APBB1IP: variants seen among roughly 807,000 people sequenced by gnomAD.
The protein encoded by APBB1IP is amyloid beta A4 precursor protein-binding family B member 1-interacting protein.
APBB1IP carries 27 observed loss-of-function variants against 64.9 expected under a neutral mutation model. The ratio of observed to expected loss-of-function variants is 0.42; its 90% CI spans 0.31 to 0.57. The LOEUF (loss-of-function observed/expected upper bound fraction) is 0.57, where lower values mean the gene tolerates loss of function less well. Among genes scored for constraint, APBB1IP ranks in the 20% least tolerant of loss-of-function variants. APBB1IP has a pLI of 0.20. For missense variants in APBB1IP, 812 were observed against 845.5 expected, an observed-to-expected ratio of 0.96 and a Z score of 0.49; for synonymous variants, 392 against 331.0, an observed-to-expected ratio of 1.18 and a Z score of -2.00.
In APBB1IP at chr10:26,444,397, C is replaced by G. The variant is rs1396008414; in HGVS notation, c.-1+5544C>G. Among the ~76,000 whole-genome samples, 5 of 152,264 alleles carry G rather than the reference C, an allele frequency of 3.3e-5. No individual in the cohort carries two copies. In the East Asian group the frequency reaches 9.7e-4, roughly 29 times the overall value. ...GAATAACATGATCTGACTTAAGGCTCACTCTGACTGCTTGAGAATAAACCT... is the reference window on the plus strand; with the variant it reads ...GAATAACATGATCTGACTTAAGGCTGACTCTGACTGCTTGAGAATAAACCT... On this transcript the variant is annotated intron_variant, in intron 2 of 14. Transcript: ENST00000376236.
At chr10:26,500,346 C>G (rs893565905) in intron 4 of APBB1IP, among the ~76,000 whole-genome samples, 2 of 152,124 alleles carry the variant, frequency 1.3e-5, no homozygotes, top group African/African-American at 2.4e-5. Context: ...ACATTAAATC[C>G]CCATTGGTTG....
At chr10:26,527,274 A>G (rs1028177331) in intron 8 of APBB1IP, among the ~76,000 whole-genome samples, 1 of 152,188 alleles carries the variant, frequency 6.6e-6, no homozygotes, top group East Asian at 1.9e-4. Context: ...GAGGCCAGGC[A>G]TGGTGGCTCA....
intron 11 of APBB1IP, among the ~76,000 whole-genome samples, chr10:26,543,728 G>A (rs1309098010): frequency 6.6e-6 from 1 of 152,134 alleles, no homozygotes; most frequent in Admixed American, 6.5e-5. Context: ...GTAGGGCTGG[G>A]GCCAGGGCTC....
At chr10:26,486,915 C>T (rs1485417764) in intron 2 of APBB1IP, among the ~76,000 whole-genome samples, 2 of 152,154 alleles carry the variant, frequency 1.3e-5, no homozygotes, top group African/African-American at 2.4e-5. Context: ...CCTGGACAAG[C>T]GGCTTCAACC....
chr10:26,544,260 T>G (rs1836733412), intron 11 of APBB1IP, among the ~76,000 whole-genome samples: 1 of 152,196 alleles, frequency 6.6e-6, no homozygotes, highest in Admixed American at 6.5e-5. Context: ...CACACTTTAT[T>G]GCCAAAGACT....
intron 11 of APBB1IP, among the ~76,000 whole-genome samples, chr10:26,556,318 A>G (rs10741114): frequency 0.56 from 85,132 of 152,110 alleles, 24,024 homozygotes; most frequent in Admixed American, 0.67. Context: ...CTTGCTCTAT[A>G]ATGTCTGCAA....
At chr10:26,551,038 G>A (rs1013908571) in intron 11 of APBB1IP, among the ~76,000 whole-genome samples, 11 of 152,330 alleles carry the variant, frequency 7.2e-5, no homozygotes, top group Non-Finnish European at 1.3e-4. Context: ...CCCACTGGAT[G>A]GTGTGGGAAA....
intron 11 of APBB1IP, among the ~76,000 whole-genome samples, chr10:26,554,783 A>G (rs1836874306): frequency 6.6e-6 from 1 of 152,026 alleles, no homozygotes. Context: ...GGGTTTAGCT[A>G]TGTTGCCCAA....
At chr10:26,439,754 T>A (rs1000684310) in intron 2 of APBB1IP, among the ~76,000 whole-genome samples, 2 of 152,202 alleles carry the variant, frequency 1.3e-5, no homozygotes, top group Admixed American at 1.3e-4. Flanking sequence ...GCCCGTGAGT[T>A]TATTATGCCC....
intron 2 of APBB1IP, 63 bp from the exon 3 acceptor site, chr10:26,492,264 A>G: frequency 6.9e-7 from 1 of 1,458,726 alleles, no homozygotes; most frequent in African/African-American, 1.4e-5. Flanking sequence ...AGAGGGATGC[A>G]AAGAGTATCC....
intron 2 of APBB1IP, among the ~76,000 whole-genome samples, chr10:26,458,926 A>ATTTTC (rs146531723): frequency 6.6e-6 from 1 of 151,368 alleles, no homozygotes; most frequent in African/African-American, 2.4e-5. Context: ...TACTGTGGTT[A>ATTTTC]TTTTCTTTTC....
At chr10:26,555,157 T>C (rs898416004) in intron 11 of APBB1IP, among the ~76,000 whole-genome samples, 2 of 152,170 alleles carry the variant, frequency 1.3e-5, no homozygotes, top group African/African-American at 4.8e-5. Context: ...AGATCTCCCA[T>C]TGAGCCCTCC....
chr10:26,493,266 C>T (rs1398036280), intron 3 of APBB1IP, among the ~76,000 whole-genome samples: 3 of 152,072 alleles, frequency 2.0e-5, no homozygotes, highest in Admixed American at 6.6e-5. Context: ...ACATGATTTA[C>T]GAACAATTTG....
chr10:26,465,348 G>A (rs1188930902), intron 2 of APBB1IP, among the ~76,000 whole-genome samples: 2 of 152,128 alleles, frequency 1.3e-5, no homozygotes, highest in Admixed American at 1.3e-4. Context: ...ACACTCTGTA[G>A]ACAGGTACAT....
At chr10:26,448,248 GC>G (rs1433456755) in intron 2 of APBB1IP, among the ~76,000 whole-genome samples, 1 of 151,872 alleles carries the variant, frequency 6.6e-6, no homozygotes, top group Non-Finnish European at 1.5e-5. Flanking sequence ...TCACCATGTT[GC>G]CCAGGCTGGT....
In APBB1IP at chr10:26,462,037, G is replaced by A. The variant is rs534487125; in HGVS notation, c.-1+23184G>A. Among the ~76,000 whole-genome samples, 128 of 152,256 alleles carry A rather than the reference G, an allele frequency of 8.4e-4. 1 individual carries two copies. The highest frequency in any genetic ancestry group is 3.4e-4 in the Non-Finnish European group (23 of 68,024). ...CTTTGTCTTTTCTCCAGGATCTGCA[G>A]GCCAAATCCACGTGGCTGCTTCTGT... On this transcript the variant is annotated intron_variant, in intron 2 of 14. Coordinates refer to ENST00000376236, the MANE Select transcript of APBB1IP (RefSeq NM_019043.4).
At chr10:26,483,275 G>A (rs1835857429) in intron 2 of APBB1IP, among the ~76,000 whole-genome samples, 1 of 151,838 alleles carries the variant, frequency 6.6e-6, no homozygotes, top group African/African-American at 2.4e-5. Flanking sequence ...ATCATGTCTG[G>A]GATCAATAAA....
At chr10:26,553,314 C>A (rs559738801) in intron 11 of APBB1IP, among the ~76,000 whole-genome samples, 1 of 152,128 alleles carries the variant, frequency 6.6e-6, no homozygotes, top group South Asian at 2.1e-4. Flanking sequence ...GCCACCGCAC[C>A]CGGCCTCAAC....
chr10:26,528,122 C>T (rs926384442), intron 8 of APBB1IP, among the ~76,000 whole-genome samples: 2 of 152,176 alleles, frequency 1.3e-5, no homozygotes, highest in Non-Finnish European at 2.9e-5. Flanking sequence ...ATCCATGCAT[C>T]GTCCCATCTG....
Sources: allele counts gnomAD v4.1 joint callset (sites outside exome capture counted in the v4.1 genomes callset), GRCh38; gene constraint gnomAD v4.1.1; transcripts MANE v1.5; gene names NCBI Gene and HGNC (gene_info 2026-07-23, HGNC 2026-07-21).